Variants in ALS2CL observed in about 807,000 individuals in gnomAD.
ALS2CL encodes ALS2 C-terminal-like protein.
ALS2CL carries 112 observed loss-of-function variants against 127.9 expected under a neutral mutation model. That is an observed-to-expected ratio of 0.88 (90% CI 0.75 to 1.02). The LOEUF (loss-of-function observed/expected upper bound fraction) is 1.02. Among genes scored for constraint, ALS2CL ranks in the 50% least tolerant of loss-of-function variants. The pLI is 0.00. For missense variants in ALS2CL, 1,174 were observed against 1,236.7 expected, an observed-to-expected ratio of 0.95 and a Z score of 0.76; for synonymous variants, 519 against 527.6, an observed-to-expected ratio of 0.98 and a Z score of 0.22.
At chr3:46,685,691 G>A (rs757553645) in intron 6 of ALS2CL, 47 bp from the exon 7 acceptor site, 2 of 1,569,672 alleles carry the variant, frequency 1.3e-6, no homozygotes, top group Admixed American at 3.5e-5. Context: ...CCTCTGTCCT[G>A]CAAGCTGCCT....
At chr3:46,688,072 C>A in intron 3 of ALS2CL, 26 bp downstream of exon 3, 1 of 1,608,150 alleles carries the variant, frequency 6.2e-7, no homozygotes, top group Non-Finnish European at 8.5e-7. Flanking sequence ...AGGGATGAGC[C>A]CCAGCCCCAC....
rs750775897 is a variant in ALS2CL at position 46,683,182 on chromosome 3, G to A, written c.1057C>T (p.Leu353Phe). Residue 353 changes from leucine to phenylalanine, a missense_variant, in exon 10 of 26, where the codon CTC becomes TTC. Leu to Phe is a conservative substitution (Grantham distance 22, BLOSUM62 0). Coordinates refer to ENST00000318962, the MANE Select transcript of ALS2CL (RefSeq NM_147129.5). Reference sequence around the variant, plus strand: ...TCGCCCTCGTAGGTGGCCTGGCAGAGCCGGCCCTCTGCCTGGAAGGTATAT... The same window carrying A: ...TCGCCCTCGTAGGTGGCCTGGCAGAACCGGCCCTCTGCCTGGAAGGTATAT... ...AEYTFQAEGR[L>F]CQATYEGEWC... 1.9e-6 allele frequency: 3 copies of A among 1,605,048 alleles called. No homozygotes were observed. Among genetic ancestry groups the A allele is most frequent in the Non-Finnish European group, 8.5e-7 (1 of 1,175,258 alleles).
At position 46,686,310 on chromosome 3, in the gene ALS2CL, T is replaced by G. The variant is rs764166046; in HGVS notation, c.664A>C (p.Arg222=). The G allele has an allele frequency of 1.9e-6, 3 of 1,607,458 alleles. No homozygotes were observed. The Admixed American group carries it at 5.1e-5, about 27-fold the overall frequency. ...TGCCCCTCAGGCCCCCAACTCACCC[T>G]CAGCCGGCCTCTCAGGGTGTGCCAG... ...ALWHTLRGRL[R]DVLCTPAHRL... is the part of the protein sequence containing the mutation. Residue 222 remains arginine, a splice_region_variant and synonymous_variant, in exon 6 of 26, where the codon AGG becomes CGG. Transcript: ENST00000318962. This position sits in a 1 kb window ranked among gnomAD's most constrained non-coding sequence, Gnocchi z 4.3.
chr3:46,676,754 A>G lies in ALS2CL; in HGVS notation c.1932-16T>C, dbSNP rs144337824. On this transcript the variant is annotated splice_polypyrimidine_tract_variant and intron_variant, in intron 17 of 25. Coordinates refer to ENST00000318962, the MANE Select transcript of ALS2CL (RefSeq NM_147129.5). ...AGGGTGGGTCCTGGGCACCACACAC[A>G]GCATCCCTCACCCACACCTCGGCCC... 7.0e-4 allele frequency: 1,133 copies of G among 1,613,234 alleles called. No individual in the cohort carries two copies. The highest frequency in any genetic ancestry group is 8.8e-4 in the Non-Finnish European group (1,039 of 1,179,726).
intron 24 of ALS2CL, 76 bp downstream of exon 24, chr3:46,671,808 A>C (rs1698412300): frequency 6.3e-7 from 1 of 1,590,482 alleles, no homozygotes; most frequent in East Asian, 2.2e-5. Context: ...CCTGGGGTTC[A>C]GAGGTATCAG....
Position 46,689,475 on chromosome 3 carries a change from G to A in ALS2CL, c.-25-10C>T, listed in dbSNP as rs1338926907. The A allele has an allele frequency of 2.6e-6, 4 of 1,551,668 alleles. No homozygotes were observed. Among genetic ancestry groups the A allele is most frequent in the Non-Finnish European group, 3.5e-6 (4 of 1,143,562 alleles). On this transcript the variant is annotated splice_polypyrimidine_tract_variant and intron_variant, in intron 1 of 25. Coordinates refer to ENST00000318962, the MANE Select transcript of ALS2CL (RefSeq NM_147129.5). ...CCGGACTCAGGGCCTCCTAGGTAGG[G>A]CACAGGTTACAGCTAGATAGCACAG... is the stretch of plus-strand genomic sequence containing the variant.
rs747813341 is a variant in ALS2CL at position 46,683,280 on chromosome 3, T to A, written c.959A>T (p.His320Leu). Residue 320 changes from histidine (H) to leucine (L), a missense_variant, in exon 10 of 26, where the codon CAT (histidine) becomes CTT (leucine). Transcript: ENST00000318962. ...CAGCACGGGGAAGTCCTTCTTCCCA[T>A]GCAGGGCCTGGTGAACAGCCCAGGT... Reference protein sequence around the residue: ...KVTWAVHQALHGKKDFPVLGA... With the variant: ...KVTWAVHQALLGKKDFPVLGA... 2 of 1,604,978 alleles carry A rather than the reference T, an allele frequency of 1.2e-6. No individual in the cohort carries two copies. Among genetic ancestry groups the A allele is most frequent in the South Asian group, 1.1e-5 (1 of 89,746 alleles).
At position 46,670,996 on chromosome 3, in the gene ALS2CL, C is replaced by T; in HGVS notation, c.2850G>A (p.Arg950=). Residue 950 remains arginine, a synonymous_variant, in exon 26 of 26, where the codon AGG becomes AGA. Coordinates refer to ENST00000318962, the MANE Select transcript of ALS2CL (RefSeq NM_147129.5). The surrounding 1 kb of genome is among the most constrained non-coding windows in gnomAD (Gnocchi z 5.5). The stretch of plus-strand genomic sequence containing the variant: ...AGGAAAGGCCAGGCTACCAGAGCTC[C>T]CTGGAGTGCCAGTGGCCAGGTAAGC... The part of the protein sequence containing the change: ...LHRLPGHWHS[R]ELW The T allele has an allele frequency of 6.2e-7, 1 of 1,614,138 alleles. No individual in the cohort carries two copies. Among genetic ancestry groups the T allele is most frequent in the Non-Finnish European group, 8.5e-7 (1 of 1,179,962 alleles).
At chr3:46,687,501 C>T in intron 4 of ALS2CL, 118 bp downstream of exon 4, 1 of 1,195,106 alleles carries the variant, frequency 8.4e-7, no homozygotes, top group South Asian at 1.4e-5. Flanking sequence ...GCCAGGAGTC[C>T]TCCAGGATGA....
intron 16 of ALS2CL, chr3:46,677,286 A>T: frequency 7.6e-7 from 1 of 1,311,414 alleles, no homozygotes; most frequent in Non-Finnish European, 9.7e-7. Flanking sequence ...GGAGACAGAA[A>T]GGTGGGCAGA....
At position 46,676,269 on chromosome 3, in the gene ALS2CL, G is replaced by T; in HGVS notation, c.2162C>A (p.Ala721Asp). 6.2e-7 allele frequency: 1 copy of T among 1,613,412 alleles called. No individual in the cohort carries two copies. Residue 721 changes from alanine (A) to aspartate (D), a missense_variant, in exon 19 of 26, where the codon GCC becomes GAC. Ala to Asp is a moderately radical substitution (Grantham distance 126). Coordinates refer to ENST00000318962, the MANE Select transcript of ALS2CL (RefSeq NM_147129.5). ...CCTGTAGGCAGCCCAGAGTTCCTGG[G>T]CATGCTGCTTCACCTCCTCCTGGGC... is the stretch of plus-strand genomic sequence containing the variant. ...ELAQEEVKQH[A>D]QELWAAYRGL...
chr3:46,688,058 C>T (rs1699913746), intron 3 of ALS2CL, 40 bp downstream of exon 3: 1 of 1,601,458 alleles, frequency 6.2e-7, no homozygotes, highest in Non-Finnish European at 8.5e-7. Flanking sequence ...GTCACTCTGA[C>T]ACCAGGGATG....
chr3:46,679,358 A>C, intron 14 of ALS2CL, 71 bp from the exon 15 acceptor site: 1 of 1,323,542 alleles, frequency 7.6e-7, no homozygotes, highest in Non-Finnish European at 1.1e-6. Context: ...GGGTGGAGAG[A>C]GATGGCCAAA....
In ALS2CL at chr3:46,688,066, A is replaced by G. The variant is rs781403047; in HGVS notation, c.302+32T>C. 3 of 1,604,330 alleles carry G rather than the reference A, an allele frequency of 1.9e-6. 1 individual carries two copies. In the South Asian group the frequency reaches 3.3e-5, roughly 18 times the overall value. ...GCCAGGTGTCACTCTGACACCAGGG[A>G]TGAGCCCCAGCCCCACCTCCAGTGG... On this transcript the variant is annotated intron_variant, in intron 3 of 25. Coordinates refer to ENST00000318962, the MANE Select transcript of ALS2CL (RefSeq NM_147129.5).
At chr3:46,675,254 C>T (rs1435408594) in intron 20 of ALS2CL, 2 of 240,184 alleles carry the variant, frequency 8.3e-6, no homozygotes, top group African/African-American at 4.5e-5. Context: ...ATTTCATGCC[C>T]ACCTAACTCC....
Position 46,686,160 on chromosome 3 carries a change from C to A in ALS2CL, c.666+148G>T. On this transcript the variant is annotated intron_variant, in intron 6 of 25. Coordinates refer to ENST00000318962, the MANE Select transcript of ALS2CL (RefSeq NM_147129.5). The surrounding 1 kb of genome is among the most constrained non-coding windows in gnomAD (Gnocchi z 4.3). ...AGATAAGAATGGCTGGACAGAGGGA[C>A]CTTACAGCCACCTGCTTCAGCCATC... The A allele has an allele frequency of 8.1e-7, 1 of 1,234,224 alleles. No individual in the cohort carries two copies. The highest frequency in any genetic ancestry group is 1.1e-6 in the Non-Finnish European group (1 of 908,490). The allele number at this position is 1,234,224 out of a possible 1,614,324, so 76.5% of individuals were successfully genotyped here. A position where few individuals can be genotyped will look rare whatever the true frequency, so the allele number is the denominator to read the frequency against.
intron 19 of ALS2CL, 71 bp from the exon 20 acceptor site, chr3:46,675,757 C>CA (rs1698766317): frequency 1.9e-6 from 3 of 1,606,666 alleles, no homozygotes; most frequent in Non-Finnish European, 2.5e-6. Flanking sequence ...CACCAGTCAA[C>CA]AAAGGCAAAA....
rs1211059508 is a variant in ALS2CL at position 46,684,165 on chromosome 3, A to AT, written c.787-119dup. ...GGCCACCAAGGCTATTCTGCCCAGC[A>AT]TGTCCAGGACTGAGTCCCTCTCCCC... On this transcript the variant is annotated intron_variant, in intron 7 of 25. Transcript: ENST00000318962. 9 of 1,212,530 alleles carry AT rather than the reference A, an allele frequency of 7.4e-6. No individual in the cohort carries two copies. In the African/African-American group the frequency reaches 1.4e-4, roughly 18 times the overall value. 75.1% of individuals were successfully genotyped at this position (1,212,530 alleles called of 1,614,324 possible).
At chr3:46,674,811 A>C in intron 20 of ALS2CL, 72 bp from the exon 21 acceptor site, 2 of 1,408,608 alleles carry the variant, frequency 1.4e-6, no homozygotes, top group Non-Finnish European at 1.9e-6. Flanking sequence ...GTCTCGTCTC[A>C]AAGAGCTCCT....
Sources: allele counts gnomAD v4.1 joint callset, GRCh38; gene constraint gnomAD v4.1.1; non-coding constraint Gnocchi (gnomAD v3.1); transcripts MANE v1.5; gene names NCBI Gene and HGNC (gene_info 2026-07-23, HGNC 2026-07-21).